USH2A: variants seen among roughly 807,000 people sequenced by gnomAD.
The protein encoded by USH2A is Usher syndrome 2A (autosomal recessive, mild).
USH2A carries 443 observed loss-of-function variants against 538.9 expected under a neutral mutation model. The ratio of observed to expected loss-of-function variants is 0.82; its 90% CI spans 0.76 to 0.89. The LOEUF (loss-of-function observed/expected upper bound fraction) is 0.89, where lower values mean the gene tolerates loss of function less well. USH2A is among the 40% of genes least tolerant of loss of function. The pLI is 0.00. For synonymous variants in USH2A, 2,413 were observed against 2,273.5 expected (o/e 1.06, Z -1.75); for missense variants, 6,633 against 6,324.8 (o/e 1.05, Z -1.65).
chr1:215,908,849 C>T (rs1280431448), intron 38 of USH2A, among the ~76,000 whole-genome samples: 4 of 151,578 alleles, frequency 2.6e-5, no homozygotes, highest in East Asian at 3.9e-4. Flanking sequence ...GAATGCTCTA[C>T]TATTTCAGAT....
In USH2A at chr1:215,780,132, T is replaced by C. The variant is rs190610773; in HGVS notation, c.10741-91A>G. On this transcript the variant is annotated intron_variant, in intron 54 of 71. Transcript: ENST00000307340. ...ATGTCACTTTTGTTTTAAAATGTTGTCTGGCCTGGCATATCATTAGCAGGG... is the reference window on the plus strand; with the variant it reads ...ATGTCACTTTTGTTTTAAAATGTTGCCTGGCCTGGCATATCATTAGCAGGG... 4.9e-6 allele frequency: 7 copies of C among 1,438,014 alleles called. No individual in the cohort carries two copies. The South Asian group carries it at 5.9e-5, about 12-fold the overall frequency. 89.1% of individuals were successfully genotyped at this position (1,438,014 alleles called of 1,614,324 possible).
intron 61 of USH2A, among the ~76,000 whole-genome samples, chr1:215,696,311 G>A (rs1234389209): frequency 6.6e-6 from 1 of 152,152 alleles, no homozygotes; most frequent in Non-Finnish European, 1.5e-5. Context: ...TGCTCTTGCT[G>A]TCTTAGGAGT....
At chr1:216,382,625 TA>T (rs1262168292) in intron 3 of USH2A, among the ~76,000 whole-genome samples, 3 of 152,178 alleles carry the variant, frequency 2.0e-5, no homozygotes, top group African/African-American at 7.2e-5. Flanking sequence ...GTTTTATAAC[TA>T]TGCATATGAA....
At chr1:216,231,261 T>TATATATATATTATATATATA (rs1558331836) in intron 14 of USH2A, among the ~76,000 whole-genome samples, 58 of 83,466 alleles carry the variant, frequency 6.9e-4, no homozygotes, top group African/African-American at 2.2e-3. Context: ...ATATATATAA[T>TATATATATATTATATATATA]ATATATATAT....
intron 47 of USH2A, among the ~76,000 whole-genome samples, chr1:215,836,506 T>TATATTA (rs1553267742): frequency 0.064 from 1,156 of 18,166 alleles, 114 homozygotes; most frequent in Non-Finnish European, 0.085. Flanking sequence ...ATAATATATA[T>TATATTA]TATATATATA....
At chr1:216,124,097 G>A (rs1571980207) in intron 21 of USH2A, among the ~76,000 whole-genome samples, 1 of 152,076 alleles carries the variant, frequency 6.6e-6, no homozygotes, top group African/African-American at 2.4e-5. Context: ...TGATGCTCTG[G>A]GTGGTAATTT....
intron 63 of USH2A, among the ~76,000 whole-genome samples, chr1:215,673,581 A>G (rs999676511): frequency 3.9e-5 from 6 of 152,204 alleles, no homozygotes; most frequent in African/African-American, 1.2e-4. Flanking sequence ...CTGAGAAACC[A>G]TAAGAAAGTA....
intron 12 of USH2A, among the ~76,000 whole-genome samples, chr1:216,247,997 T>C (rs1017253839): frequency 6.6e-6 from 1 of 152,138 alleles, no homozygotes; most frequent in Non-Finnish European, 1.5e-5. Flanking sequence ...AATCCACACA[T>C]TTAAGTAATT....
Position 216,211,967 on chromosome 1 carries a change from G to C in USH2A, c.3158-4536C>G, listed in dbSNP as rs569388068. Among the ~76,000 whole-genome samples the C allele has an allele frequency of 1.8e-3, 270 of 152,074 alleles. 2 individuals are homozygous for C. The highest frequency in any genetic ancestry group is 6.4e-3 in the African/African-American group (264 of 41,486). On this transcript the variant is annotated intron_variant, in intron 15 of 71. Coordinates refer to ENST00000307340, the MANE Select transcript of USH2A (RefSeq NM_206933.4). ...ATTCATGGTAATTTAACATTTTTTA[G>C]TGAATATTAGTGATTTCATCTAAAA...
At chr1:215,826,906 G>A (rs1271603255) in intron 47 of USH2A, among the ~76,000 whole-genome samples, 1 of 152,180 alleles carries the variant, frequency 6.6e-6, no homozygotes, top group Non-Finnish European at 1.5e-5. Flanking sequence ...ACTAAAATCA[G>A]TGTTTAATAA....
intron 37 of USH2A, among the ~76,000 whole-genome samples, chr1:215,935,174 A>T (rs1471986743): frequency 3.9e-5 from 6 of 152,036 alleles, no homozygotes; most frequent in African/African-American, 1.2e-4. Flanking sequence ...TCCAATAAAA[A>T]TCCCTGAATT....
At chr1:216,048,076 T>C (rs1479243490) in intron 31 of USH2A, among the ~76,000 whole-genome samples, 2 of 152,232 alleles carry the variant, frequency 1.3e-5, no homozygotes, top group Non-Finnish European at 2.9e-5. Context: ...GGTTTCATCA[T>C]ACTGAAATAA....
In USH2A at chr1:216,130,287, T is replaced by A. The variant is rs996824275; in HGVS notation, c.4628-33074A>T. Among the ~76,000 whole-genome samples, 7 of 151,856 alleles carry A rather than the reference T, an allele frequency of 4.6e-5. No individual in the cohort carries two copies. The East Asian group carries it at 1.2e-3, about 25-fold the overall frequency. The stretch of plus-strand genomic sequence containing the variant: ...AGCAGTATAAACTGTACCCTATTTG[T>A]AGTCTTTTATCCCTCACTGCCTTCC... On this transcript the variant is annotated intron_variant, in intron 21 of 71. Coordinates refer to ENST00000307340, the MANE Select transcript of USH2A (RefSeq NM_206933.4).
At chr1:216,223,041 G>GT (rs750587482) in intron 14 of USH2A, among the ~76,000 whole-genome samples, 4,120 of 142,328 alleles carry the variant, frequency 0.029, 59 homozygotes, top group African/African-American at 0.049. Flanking sequence ...TCAAGGAAAT[G>GT]TTTTTTTTTT....
At position 215,790,279 on chromosome 1, in the gene USH2A, A is replaced by T; in HGVS notation, c.9962T>A (p.Met3321Lys). 7 of 1,613,842 alleles carry T rather than the reference A, an allele frequency of 4.3e-6. No homozygotes were observed. The highest frequency in any genetic ancestry group is 5.9e-6 in the Non-Finnish European group (7 of 1,179,942). ...EGVVYNRLPG[M>K]FCCGQDYVNM... ...CACATAATCCTGCCCACAACAGAAC[A>T]TACCTGCAACAATAAAATGTTATAT... is the stretch of plus-strand genomic sequence containing the variant. Residue 3321 changes from methionine (M) to lysine (K), a missense_variant, in exon 51 of 72, where the codon ATG (methionine) becomes AAG (lysine). By Grantham distance (95) the Met-to-Lys change is moderately conservative (BLOSUM62 -1). Transcript: ENST00000307340.
At chr1:216,332,048 G>A (rs1468128424) in intron 4 of USH2A, among the ~76,000 whole-genome samples, 3 of 152,040 alleles carry the variant, frequency 2.0e-5, no homozygotes, top group Non-Finnish European at 2.9e-5. Context: ...TCCTATTCCC[G>A]TACTCCTCTC....
At chr1:215,694,170 A>G (rs77227091) in intron 61 of USH2A, among the ~76,000 whole-genome samples, 2,290 of 152,328 alleles carry the variant, frequency 0.015, 90 homozygotes, top group East Asian at 0.1. Flanking sequence ...TGACCTGTAC[A>G]AGATAAGACA....
In USH2A at chr1:216,246,773, A is replaced by T. The variant is rs2036055708; in HGVS notation, c.2621T>A (p.Val874Glu). 6.2e-7 allele frequency: 1 copy of T among 1,614,100 alleles called. No homozygotes were observed. The highest frequency in any genetic ancestry group is 2.2e-5 in the East Asian group (1 of 44,878). Residue 874 changes from valine (V) to glutamate (E), a missense_variant, in exon 13 of 72, where the codon GTA becomes GAA. By Grantham distance (121) the Val-to-Glu change is moderately radical (BLOSUM62 -2). Transcript: ENST00000307340. ...STGQCPCKLGVTGLRCNQCEP... is the reference protein window; with the variant it reads ...STGQCPCKLGETGLRCNQCEP... Reference sequence around the variant, plus strand: ...ACACTGATTACAGCGAAGACCTGTTACCCCTAATTTGCAAGGACATTGTCC... The same window carrying T: ...ACACTGATTACAGCGAAGACCTGTTTCCCCTAATTTGCAAGGACATTGTCC...
At chr1:216,143,055 T>A (rs191160845) in intron 21 of USH2A, among the ~76,000 whole-genome samples, 4 of 152,286 alleles carry the variant, frequency 2.6e-5, no homozygotes, top group Non-Finnish European at 2.9e-5. Flanking sequence ...AGCCTTTTCT[T>A]ACAGGCCCCA....
Sources: allele counts gnomAD v4.1 joint callset (sites outside exome capture counted in the v4.1 genomes callset), GRCh38; gene constraint gnomAD v4.1.1; transcripts MANE v1.5; gene names NCBI Gene and HGNC (gene_info 2026-07-23, HGNC 2026-07-21).